Variants in GRIN2A observed in about 807,000 individuals in gnomAD.
GRIN2A encodes glutamate ionotropic receptor NMDA type subunit 2A.
In GRIN2A, 22 loss-of-function variants were observed where a neutral mutation model predicts 113.4. The ratio of observed to expected loss-of-function variants is 0.19; its 90% CI spans 0.14 to 0.28. The LOEUF is 0.28. GRIN2A is among the 10% of genes least tolerant of loss of function. The probability of loss-of-function intolerance (pLI) is 1.00; values close to 1 mark genes in which losing one functional copy is unlikely to be tolerated. For synonymous variants in GRIN2A, 827 were observed against 738.4 expected, an observed-to-expected ratio of 1.12 and a Z score of -1.94; for missense variants, 1,502 against 1,887.0, an observed-to-expected ratio of 0.80 and a Z score of 3.78.
chr16:10,067,757 T>C (rs529150224), intron 2 of GRIN2A, among the ~76,000 whole-genome samples: 15 of 151,454 alleles, frequency 9.9e-5, no homozygotes, highest in African/African-American at 3.1e-4. Context: ...CCAAGGGACA[T>C]TGGCAATGTC....
chr16:9,950,709 A>G (rs1170501358), intron 2 of GRIN2A, among the ~76,000 whole-genome samples: 3 of 152,206 alleles, frequency 2.0e-5, no homozygotes, highest in Non-Finnish European at 2.9e-5. Context: ...GGATTTTGGA[A>G]TAAGACACAT....
At chr16:9,960,892 C>G (rs535481528) in intron 2 of GRIN2A, among the ~76,000 whole-genome samples, 31 of 152,328 alleles carry the variant, frequency 2.0e-4, no homozygotes, top group Non-Finnish European at 3.7e-4. Context: ...TCCCAAAGTG[C>G]TGGGATTACA....
intron 2 of GRIN2A, among the ~76,000 whole-genome samples, chr16:10,056,281 T>G (rs1339189492): frequency 5.3e-5 from 8 of 152,126 alleles, no homozygotes; most frequent in Non-Finnish European, 1.5e-5. Context: ...ACCCTTTCAC[T>G]CATCCACCTT....
At chr16:10,072,007 C>A (rs1267429510) in intron 2 of GRIN2A, among the ~76,000 whole-genome samples, 1 of 152,192 alleles carries the variant, frequency 6.6e-6, no homozygotes, top group African/African-American at 2.4e-5. Context: ...AGCCCACACT[C>A]TTGGCCACTA....
rs533023779 is a variant in GRIN2A at position 9,853,484 on chromosome 16, C to T, written c.1123-3523G>A. Among the ~76,000 whole-genome samples, 158 of 152,256 alleles carry T rather than the reference C, an allele frequency of 1.0e-3. 2 individuals are homozygous for T. Among genetic ancestry groups the T allele is most frequent in the African/African-American group, 3.8e-3 (157 of 41,548 alleles). On this transcript the variant is annotated intron_variant, in intron 4 of 12. Transcript: ENST00000330684. ...TTGCTGTCTATGAACCAGGAAGCAGCTCTCACCAGACGCTAAATCTGCTGG... is the reference window on the plus strand; with the variant it reads ...TTGCTGTCTATGAACCAGGAAGCAGTTCTCACCAGACGCTAAATCTGCTGG...
chr16:10,175,166 G>A (rs1025373087), intron 2 of GRIN2A, among the ~76,000 whole-genome samples: 1 of 152,180 alleles, frequency 6.6e-6, no homozygotes, highest in Non-Finnish European at 1.5e-5. Context: ...TACCACCTAG[G>A]TTTGTGTAAG....
intron 11 of GRIN2A, among the ~76,000 whole-genome samples, chr16:9,785,745 A>G (rs1902197475): frequency 1.3e-5 from 2 of 152,188 alleles, no homozygotes; most frequent in Admixed American, 6.5e-5. Flanking sequence ...CTTAATGTGT[A>G]TTAGAATCAC....
At position 9,754,186 on chromosome 16, in the gene GRIN2A, A is replaced by T. The variant is rs1282249593; in HGVS notation, c.*8963T>A. ...TATACATAAACATATACACATAAAC[A>T]TTCTGGGGTGATATAAACTATGGTG... On this transcript the variant is annotated 3_prime_UTR_variant, in exon 13 of 13. Coordinates refer to ENST00000330684, the MANE Select transcript of GRIN2A (RefSeq NM_001134407.3). 1 of 188,512 alleles carries T rather than the reference A, an allele frequency of 5.3e-6. No homozygotes were observed. Among genetic ancestry groups the T allele is most frequent in the African/African-American group, 2.3e-5 (1 of 42,886 alleles). The allele number at this position is 188,512 out of a possible 1,614,324, so 11.7% of individuals were successfully genotyped here.
chr16:10,126,367 A>G (rs886161170), intron 2 of GRIN2A, among the ~76,000 whole-genome samples: 2 of 152,084 alleles, frequency 1.3e-5, no homozygotes, highest in East Asian at 3.9e-4. Context: ...GGGTCTCGCT[A>G]TGTTACCCAG....
chr16:9,778,238 C>A (rs1158918649), intron 11 of GRIN2A, among the ~76,000 whole-genome samples: 1 of 152,190 alleles, frequency 6.6e-6, no homozygotes, highest in Admixed American at 6.5e-5. Flanking sequence ...TGGAGAGATA[C>A]AATTCTTTGA....
At chr16:9,977,494 T>C (rs1306196256) in intron 2 of GRIN2A, among the ~76,000 whole-genome samples, 2 of 152,222 alleles carry the variant, frequency 1.3e-5, no homozygotes, top group East Asian at 1.9e-4. Context: ...ATCTGCCAGA[T>C]ACTATGTTAA....
chr16:10,041,402 G>A (rs2047164694), intron 2 of GRIN2A, among the ~76,000 whole-genome samples: 1 of 152,180 alleles, frequency 6.6e-6, no homozygotes, highest in Non-Finnish European at 1.5e-5. Context: ...CTTTTGTAAA[G>A]AGATTACTCA....
intron 3 of GRIN2A, among the ~76,000 whole-genome samples, 181 bp from the exon 4 acceptor site, chr16:9,891,281 T>C (rs2043690214): frequency 1.3e-5 from 2 of 152,210 alleles, no homozygotes; most frequent in South Asian, 4.1e-4. Flanking sequence ...TTGACCATGC[T>C]TTAGTAATTG....
chr16:10,063,456 G>C (rs1242829282), intron 2 of GRIN2A, among the ~76,000 whole-genome samples: 1 of 152,106 alleles, frequency 6.6e-6, no homozygotes, highest in Non-Finnish European at 1.5e-5. Context: ...CCTGGTATTT[G>C]GCTTCTAGTA....
At chr16:10,047,503 T>A (rs2062337967) in intron 2 of GRIN2A, among the ~76,000 whole-genome samples, 1 of 152,256 alleles carries the variant, frequency 6.6e-6, no homozygotes, top group Non-Finnish European at 1.5e-5. Flanking sequence ...AATTAGGACC[T>A]CAGTTCCTGT....
intron 2 of GRIN2A, among the ~76,000 whole-genome samples, chr16:10,093,782 G>A (rs537615311): frequency 1.3e-5 from 2 of 152,128 alleles, no homozygotes; most frequent in African/African-American, 4.8e-5. Context: ...GTTTGATCAC[G>A]TGACTTAGTT....
intron 4 of GRIN2A, among the ~76,000 whole-genome samples, chr16:9,852,303 G>GTT (rs1291626169): frequency 6.6e-6 from 1 of 151,936 alleles, no homozygotes; most frequent in Non-Finnish European, 1.5e-5. Context: ...CAGTAACCAC[G>GTT]TTATAGCTCC....
intron 2 of GRIN2A, among the ~76,000 whole-genome samples, chr16:10,058,978 C>G (rs1383921214): frequency 6.6e-6 from 1 of 152,128 alleles, no homozygotes; most frequent in African/African-American, 2.4e-5. Context: ...GGGAGGTTCA[C>G]CTGGTGTTGG....
chr16:9,971,617 A>G (rs2045670666), intron 2 of GRIN2A, among the ~76,000 whole-genome samples: 2 of 152,246 alleles, frequency 1.3e-5, no homozygotes. Context: ...AGAAAATGAG[A>G]TGGCTGAAGA....
Sources: allele counts gnomAD v4.1 joint callset (sites outside exome capture counted in the v4.1 genomes callset), GRCh38; gene constraint gnomAD v4.1.1; transcripts MANE v1.5; gene names NCBI Gene and HGNC (gene_info 2026-07-23, HGNC 2026-07-21).